ST6GAL1: variants seen among roughly 807,000 people sequenced by gnomAD.
ST6GAL1 encodes the protein beta-galactoside alpha-2,6-sialyltransferase 1.
Under a neutral mutation model 38.0 loss-of-function variants are expected in ST6GAL1, and 20 were observed. The ratio of observed to expected loss-of-function variants is 0.53; its 90% CI spans 0.37 to 0.77. The LOEUF (loss-of-function observed/expected upper bound fraction) is 0.77, where lower values mean the gene tolerates loss of function less well. Ranked by LOEUF, ST6GAL1 falls within the 30% of genes least tolerant of loss-of-function variation. The probability of loss-of-function intolerance (pLI) is 0.00; values close to 1 mark genes in which losing one functional copy is unlikely to be tolerated. For missense variants in ST6GAL1, 432 were observed against 496.4 expected, an observed-to-expected ratio of 0.87 and a Z score of 1.23; for synonymous variants, 196 against 188.2, an observed-to-expected ratio of 1.04 and a Z score of -0.34.
At chr3:187,033,854 C>G (rs569094554) in intron 2 of ST6GAL1, among the ~76,000 whole-genome samples, 1 of 151,736 alleles carries the variant, frequency 6.6e-6, no homozygotes, top group East Asian at 1.9e-4. Context: ...CCCAGAGGAA[C>G]TAGAAAAAAA....
chr3:186,935,483 T>C (rs1713918302), intron 1 of ST6GAL1, among the ~76,000 whole-genome samples: 2 of 152,206 alleles, frequency 1.3e-5, no homozygotes, highest in African/African-American at 2.4e-5. Context: ...TGTGTCTTTA[T>C]GGTAGAACAA....
At chr3:186,999,212 GCCGTGGGACCATTAACACCAC>G (rs1716523927) in intron 2 of ST6GAL1, among the ~76,000 whole-genome samples, 1 of 151,930 alleles carries the variant, frequency 6.6e-6, no homozygotes, top group African/African-American at 2.4e-5. Flanking sequence ...TCTGTCTAGG[GCCGTGGGACCATTAACACCAC>G]TCGCCTCGTA....
intron 2 of ST6GAL1, among the ~76,000 whole-genome samples, chr3:187,016,657 C>T (rs1008502418): frequency 2.0e-4 from 30 of 152,178 alleles, no homozygotes; most frequent in Non-Finnish European, 1.5e-4. Context: ...CCAGAAAGTG[C>T]AGATATAAAA....
chr3:187,000,042 A>G (rs1716564068), intron 2 of ST6GAL1, among the ~76,000 whole-genome samples: 1 of 151,412 alleles, frequency 6.6e-6, no homozygotes, highest in Admixed American at 6.6e-5. Context: ...GGCCAGACGG[A>G]TCTTGAACCT....
intron 2 of ST6GAL1, among the ~76,000 whole-genome samples, chr3:186,992,609 C>A (rs1048895810): frequency 6.6e-6 from 1 of 152,166 alleles, no homozygotes; most frequent in African/African-American, 2.4e-5. Context: ...GCCTGGCCAA[C>A]ATGGTGAAAC....
At chr3:186,992,913 C>T (rs1406934234) in intron 2 of ST6GAL1, among the ~76,000 whole-genome samples, 2 of 152,154 alleles carry the variant, frequency 1.3e-5, no homozygotes, top group Admixed American at 6.5e-5. Context: ...CAGATATTTT[C>T]CACTGCTGGT....
At chr3:186,935,275 T>G (rs1336295955) in intron 1 of ST6GAL1, among the ~76,000 whole-genome samples, 1 of 152,224 alleles carries the variant, frequency 6.6e-6, no homozygotes, top group Non-Finnish European at 1.5e-5. Context: ...TTTCTGCTCC[T>G]GCATTAGTTT....
At chr3:186,935,908 C>A (rs116539265) in intron 1 of ST6GAL1, among the ~76,000 whole-genome samples, 2,162 of 151,978 alleles carry the variant, frequency 0.014, 51 homozygotes, top group African/African-American at 0.049. Context: ...AAGAAAAAAA[C>A]CCAGAACCTT....
At chr3:187,028,260 AAT>A (rs1394460755) in intron 2 of ST6GAL1, among the ~76,000 whole-genome samples, 3 of 152,346 alleles carry the variant, frequency 2.0e-5, no homozygotes, top group African/African-American at 7.2e-5. Flanking sequence ...TAAGTGGCTC[AAT>A]ATATGACTTC....
At chr3:187,056,938 C>G (rs1487012824) in intron 5 of ST6GAL1, among the ~76,000 whole-genome samples, 4 of 152,196 alleles carry the variant, frequency 2.6e-5, no homozygotes, top group Non-Finnish European at 1.5e-5. Flanking sequence ...TTCAGGTACA[C>G]CAGTGAAACG....
chr3:186,949,326 T>C (rs921067567), intron 1 of ST6GAL1, among the ~76,000 whole-genome samples: 2 of 152,182 alleles, frequency 1.3e-5, no homozygotes, highest in African/African-American at 4.8e-5. Context: ...CCTAAGAGTC[T>C]GCCTCAGGGA....
At chr3:186,964,578 G>A (rs1259810244) in intron 2 of ST6GAL1, among the ~76,000 whole-genome samples, 1 of 152,176 alleles carries the variant, frequency 6.6e-6, no homozygotes, top group Non-Finnish European at 1.5e-5. Context: ...GATTTTTCCT[G>A]TGTGGAGGTA....
intron 1 of ST6GAL1, among the ~76,000 whole-genome samples, chr3:186,947,388 C>T (rs1055156195): frequency 6.6e-6 from 1 of 152,178 alleles, no homozygotes; most frequent in Non-Finnish European, 1.5e-5. Context: ...CTGATTTGAG[C>T]TCCCTGTGCT....
rs763884230 is a variant in ST6GAL1 at position 187,042,941 on chromosome 3, A to T, written c.238A>T (p.Ser80Cys). 6.2e-7 allele frequency: 1 copy of T among 1,614,112 alleles called. No individual in the cohort carries two copies. The highest frequency in any genetic ancestry group is 8.5e-7 in the Non-Finnish European group (1 of 1,180,044). Residue 80 changes from serine to cysteine, a missense_variant, in exon 4 of 8, where the codon AGT becomes TGT. By Grantham distance (112) the Ser-to-Cys change is moderately radical (BLOSUM62 -1). Coordinates refer to ENST00000169298, the MANE Select transcript of ST6GAL1 (RefSeq NM_173216.2). The part of the protein sequence containing the change: ...DPHRGRQTLG[S>C]LRGLAKAKPE... ...CCACAGGGGCCGCCAGACCCTCGGC[A>T]GTCTCAGAGGCCTAGCCAAGGCCAA...
chr3:186,987,158 GAGGAAGAAAGAGAAAGAGAGAC>G (rs1482821111), intron 2 of ST6GAL1, among the ~76,000 whole-genome samples: 1 of 112,978 alleles, frequency 8.9e-6, no homozygotes, highest in Non-Finnish European at 1.7e-5. Context: ...GGGAGGGAGG[GAGGAAGAAAGAGAAAGAGAGAC>G]AGGGAGGGAG....
At chr3:187,067,390 C>T (rs1719201558) in intron 5 of ST6GAL1, among the ~76,000 whole-genome samples, 1 of 135,644 alleles carries the variant, frequency 7.4e-6, no homozygotes, top group Non-Finnish European at 1.5e-5. Context: ...CCTGGCAAGG[C>T]AACCTTTTTT....
intron 2 of ST6GAL1, among the ~76,000 whole-genome samples, chr3:186,985,687 AT>A (rs1715892240): frequency 6.7e-6 from 1 of 149,990 alleles, no homozygotes; most frequent in Non-Finnish European, 1.5e-5. Flanking sequence ...AGGAGGGACG[AT>A]TGCTTGAGCC....
chr3:187,031,934 T>A (rs1327803388), intron 2 of ST6GAL1, among the ~76,000 whole-genome samples: 1 of 152,206 alleles, frequency 6.6e-6, no homozygotes, highest in East Asian at 1.9e-4. Flanking sequence ...GTATTGTTCA[T>A]CCCTAAGCTA....
intron 1 of ST6GAL1, among the ~76,000 whole-genome samples, chr3:186,945,128 G>C (rs1714310972): frequency 6.6e-6 from 1 of 152,050 alleles, no homozygotes. Context: ...AGACCAGCTT[G>C]GGCAACATAG....
Sources: gnomAD v4.1 joint callset for allele counts (sites outside exome capture counted in the v4.1 genomes callset) on GRCh38, gnomAD v4.1.1 for gene constraint, MANE v1.5 for transcripts, NCBI Gene and HGNC (gene_info 2026-07-23, HGNC 2026-07-21) for gene names.